Variants in SLC9C1 observed in about 807,000 individuals in gnomAD.
SLC9C1 encodes sodium/hydrogen exchanger 10.
SLC9C1 carries 97 observed loss-of-function variants against 140.9 expected under a neutral mutation model. That is an observed-to-expected ratio of 0.69 (90% confidence interval 0.58 to 0.82). SLC9C1 has a LOEUF of 0.82. Ranked by LOEUF, SLC9C1 falls within the 40% of genes least tolerant of loss-of-function variation. The pLI is 0.00. For missense variants in SLC9C1, 1,340 were observed against 1,389.3 expected (o/e 0.96, Z 0.56); for synonymous variants, 440 against 442.6 (o/e 0.99, Z 0.07).
intron 20 of SLC9C1, among the ~76,000 whole-genome samples, chr3:112,188,497 A>G (rs1344906712): frequency 2.0e-5 from 3 of 150,476 alleles, no homozygotes; most frequent in Non-Finnish European, 4.4e-5. Context: ...TTGGTTTTCT[A>G]TCCTTGCAAT....
chr3:112,228,929 C>T (rs2108159392), intron 13 of SLC9C1, among the ~76,000 whole-genome samples: 1 of 150,532 alleles, frequency 6.6e-6, no homozygotes, highest in Middle Eastern at 3.4e-3. Context: ...AACTAAGTGT[C>T]CATCAATAGA....
intron 28 of SLC9C1, among the ~76,000 whole-genome samples, chr3:112,144,696 G>T (rs941602014): frequency 6.6e-6 from 1 of 152,042 alleles, no homozygotes; most frequent in African/African-American, 2.4e-5. Context: ...AGGTTTGTGT[G>T]TGTGTGTATA....
chr3:112,178,248 C>T (rs1463949634), intron 23 of SLC9C1, among the ~76,000 whole-genome samples: 2 of 151,964 alleles, frequency 1.3e-5, no homozygotes, highest in Non-Finnish European at 2.9e-5. Flanking sequence ...AAGCAATCCT[C>T]CCTTCTCAGC....
At chr3:112,189,674 C>T (rs965323022) in intron 20 of SLC9C1, among the ~76,000 whole-genome samples, 5 of 152,278 alleles carry the variant, frequency 3.3e-5, no homozygotes, top group African/African-American at 1.2e-4. Context: ...CATGATGCCT[C>T]CAGCTTTGTT....
At position 112,199,353 on chromosome 3, in the gene SLC9C1, T is replaced by C; in HGVS notation, c.2491A>G (p.Ile831Val). 6.3e-7 allele frequency: 1 copy of C among 1,585,958 alleles called. No homozygotes were observed. Among genetic ancestry groups the C allele is most frequent in the Admixed American group, 1.8e-5 (1 of 54,958 alleles). Residue 831 changes from isoleucine to valine, a missense_variant, in exon 20 of 29, where the codon ATT becomes GTT. Ile to Val is a conservative substitution (Grantham distance 29). Transcript: ENST00000305815. ...ATTCCAGCACCTTCAGTTTTACTAATAATTCCTTTTAAGCCAAAAGCCTTA... is the reference window on the plus strand; with the variant it reads ...ATTCCAGCACCTTCAGTTTTACTAACAATTCCTTTTAAGCCAAAAGCCTTA... ...ILKAFGLKGIISKTEGAGINK... is the reference protein window; with the variant it reads ...ILKAFGLKGIVSKTEGAGINK...
chr3:112,238,103 G>A (rs532419876), intron 12 of SLC9C1, among the ~76,000 whole-genome samples: 40 of 152,278 alleles, frequency 2.6e-4, no homozygotes, highest in African/African-American at 7.9e-4. Flanking sequence ...CCAATCAGAC[G>A]TAGATTTGGT....
intron 20 of SLC9C1, 65 bp downstream of exon 20, chr3:112,199,256 C>T (rs1395338549): frequency 7.7e-7 from 1 of 1,292,956 alleles, no homozygotes; most frequent in African/African-American, 1.5e-5. Flanking sequence ...TCAAATGTAG[C>T]CTTGAAGGTC....
At chr3:112,237,239 T>G (rs952193315) in intron 12 of SLC9C1, among the ~76,000 whole-genome samples, 1 of 152,222 alleles carries the variant, frequency 6.6e-6, no homozygotes, top group Non-Finnish European at 1.5e-5. Context: ...TTGTCTCTTT[T>G]GATCTTCGTT....
At chr3:112,290,490 A>G (rs2080647602) in intron 1 of SLC9C1, among the ~76,000 whole-genome samples, 1 of 152,162 alleles carries the variant, frequency 6.6e-6, no homozygotes, top group African/African-American at 2.4e-5. Context: ...GGTTGATTTT[A>G]GAGTATGTGT....
chr3:112,153,644 T>G (rs2107860792), intron 27 of SLC9C1, among the ~76,000 whole-genome samples: 1 of 152,328 alleles, frequency 6.6e-6, no homozygotes, highest in Admixed American at 6.5e-5. Flanking sequence ...CCAAGGACTG[T>G]GCAGTGTACT....
intron 11 of SLC9C1, among the ~76,000 whole-genome samples, chr3:112,242,981 C>T (rs1195572217): frequency 6.6e-6 from 1 of 152,092 alleles, no homozygotes; most frequent in African/African-American, 2.4e-5. Context: ...CATCTCACAC[C>T]AGTTAGAATG....
chr3:112,227,760 T>A (rs13067030), intron 13 of SLC9C1, among the ~76,000 whole-genome samples: 69,102 of 151,990 alleles, frequency 0.45, 16,200 homozygotes, highest in East Asian at 0.63. Context: ...ATTAGTAGCA[T>A]TTCTACAGAC....
At chr3:112,257,950 T>C (rs2079655885) in intron 10 of SLC9C1, among the ~76,000 whole-genome samples, 1 of 152,176 alleles carries the variant, frequency 6.6e-6, no homozygotes, top group African/African-American at 2.4e-5. Context: ...AAAAGCTCAG[T>C]ATCATTGATC....
chr3:112,271,937 C>A (rs190405303), intron 6 of SLC9C1, among the ~76,000 whole-genome samples: 1 of 152,246 alleles, frequency 6.6e-6, no homozygotes, highest in Non-Finnish European at 1.5e-5. Flanking sequence ...CTTTTAGGTT[C>A]CAAAAGTAAA....
chr3:112,271,609 G>A (rs1299769648), intron 6 of SLC9C1, among the ~76,000 whole-genome samples: 4 of 151,778 alleles, frequency 2.6e-5, no homozygotes, highest in East Asian at 3.9e-4. Context: ...AGCTCCTTTC[G>A]GTCTCCATTA....
At chr3:112,211,584 C>T (rs1318580430) in intron 15 of SLC9C1, among the ~76,000 whole-genome samples, 1 of 152,234 alleles carries the variant, frequency 6.6e-6, no homozygotes, top group East Asian at 1.9e-4. Context: ...CGGAGGGTCC[C>T]ACGCCCACGG....
At chr3:112,199,182 G>A in intron 20 of SLC9C1, 139 bp downstream of exon 20, 1 of 654,252 alleles carries the variant, frequency 1.5e-6, no homozygotes, top group Non-Finnish European at 2.3e-6. Flanking sequence ...TATCATAGGA[G>A]TTTGTCTTCA....
chr3:112,196,840 A>C (rs2077778741), intron 20 of SLC9C1, among the ~76,000 whole-genome samples: 1 of 151,952 alleles, frequency 6.6e-6, no homozygotes, highest in Non-Finnish European at 1.5e-5. Context: ...CTTTAAAACA[A>C]CTGTTTTAAA....
At chr3:112,221,718 T>G (rs571114624) in intron 13 of SLC9C1, among the ~76,000 whole-genome samples, 3 of 152,128 alleles carry the variant, frequency 2.0e-5, no homozygotes, top group Non-Finnish European at 2.9e-5. Flanking sequence ...TATTTTATAA[T>G]TTATAAGGAG....
Sources: allele counts gnomAD v4.1 joint callset (sites outside exome capture counted in the v4.1 genomes callset), GRCh38; gene constraint gnomAD v4.1.1; transcripts MANE v1.5; gene names NCBI Gene and HGNC (gene_info 2026-07-23, HGNC 2026-07-21).